The following GLRA3 variants were observed in gnomAD, a reference collection of about 807,000 sequenced individuals.
The protein encoded by GLRA3 is glycine receptor alpha 3.
Under a neutral mutation model 60.4 loss-of-function variants are expected in GLRA3, and 44 were observed. That is an observed-to-expected ratio of 0.73 (90% confidence interval 0.57 to 0.94). The LOEUF is 0.94. GLRA3 is among the 40% of genes least tolerant of loss of function. The pLI is 0.00. For synonymous variants in GLRA3, 223 were observed against 192.9 expected, an observed-to-expected ratio of 1.16 and a Z score of -1.29; for missense variants, 508 against 564.6, an observed-to-expected ratio of 0.90 and a Z score of 1.02.
Position 174,728,704 on chromosome 4 carries a change from A to G in GLRA3, c.268-6T>C, listed in dbSNP as rs1223614295. 6 of 1,478,900 alleles carry G rather than the reference A, an allele frequency of 4.1e-6. No individual in the cohort carries two copies. Among genetic ancestry groups the G allele is most frequent in the Non-Finnish European group, 3.7e-6 (4 of 1,086,878 alleles). 91.6% of individuals were successfully genotyped at this position (1,478,900 alleles called of 1,614,324 possible). On this transcript the variant is annotated splice_region_variant and splice_polypyrimidine_tract_variant and intron_variant, in intron 3 of 9. Transcript: ENST00000274093. ...AAGATATTCACTCTGTAATCCTATGATAAAATAATGAAAGAAAGAAAAAAA... is the reference window on the plus strand; with the variant it reads ...AAGATATTCACTCTGTAATCCTATGGTAAAATAATGAAAGAAAGAAAAAAA...
intron 5 of GLRA3, among the ~76,000 whole-genome samples, chr4:174,701,139 T>C (rs1735302490): frequency 6.6e-6 from 1 of 152,152 alleles, no homozygotes; most frequent in African/African-American, 2.4e-5. Flanking sequence ...AATGCCTGGC[T>C]TCAAAGCTTC....
chr4:174,714,928 G>A (rs1222696486), intron 5 of GLRA3, among the ~76,000 whole-genome samples: 1 of 152,138 alleles, frequency 6.6e-6, no homozygotes, highest in East Asian at 1.9e-4. Context: ...GAGAAAGTGT[G>A]AGACATTTTT....
rs1579374356 is a variant in GLRA3, at chr4:174,641,383, G to A, written c.*2403C>T. ...CAATGTAATTTTTCAGTTTTAAAAG[G>A]TCTATAAGAGTTCGAAGGAGGAGAC... is the stretch of plus-strand genomic sequence containing the variant. On this transcript the variant is annotated 3_prime_UTR_variant, in exon 10 of 10. Transcript: ENST00000274093. The A allele has an allele frequency of 1.3e-5, 2 of 151,996 alleles. No individual in the cohort carries two copies. The highest frequency in any genetic ancestry group is 2.1e-4 in the South Asian group (1 of 4,832). 9.4% of individuals were successfully genotyped at this position (151,996 alleles called of 1,614,324 possible). A position where few individuals can be genotyped will look rare whatever the true frequency, so the allele number is the denominator to read the frequency against.
chr4:174,649,100 A>G (rs1442353971), intron 9 of GLRA3, among the ~76,000 whole-genome samples: 1 of 152,206 alleles, frequency 6.6e-6, no homozygotes, highest in Non-Finnish European at 1.5e-5. Context: ...CTCGAAGGCC[A>G]GGATTTCCAT....
At chr4:174,675,038 T>C (rs1021838673) in intron 7 of GLRA3, among the ~76,000 whole-genome samples, 3 of 152,180 alleles carry the variant, frequency 2.0e-5, no homozygotes, top group African/African-American at 7.2e-5. Context: ...TAATTAATTA[T>C]GCCAAACCTC....
chr4:174,747,660 G>A (rs1406843989), intron 3 of GLRA3, among the ~76,000 whole-genome samples: 1 of 152,064 alleles, frequency 6.6e-6, no homozygotes, highest in Non-Finnish European at 1.5e-5. Context: ...CTGTGCCTTT[G>A]TGATTCATTA....
intron 1 of GLRA3, among the ~76,000 whole-genome samples, chr4:174,804,959 G>A (rs1034298772): frequency 6.6e-6 from 1 of 152,100 alleles, no homozygotes; most frequent in African/African-American, 2.4e-5. Flanking sequence ...TACTGTACAC[G>A]TAGCGACAAA....
At chr4:174,715,145 T>A (rs996636793) in intron 5 of GLRA3, among the ~76,000 whole-genome samples, 5 of 152,198 alleles carry the variant, frequency 3.3e-5, no homozygotes, top group Non-Finnish European at 7.3e-5. Context: ...AGAAAAAATA[T>A]ATATAGACAC....
At chr4:174,819,268 T>C (rs1740638719) in intron 1 of GLRA3, among the ~76,000 whole-genome samples, 1 of 152,202 alleles carries the variant, frequency 6.6e-6, no homozygotes, top group African/African-American at 2.4e-5. Flanking sequence ...CAGAGAAAAT[T>C]ATTATTTGAA....
rs187454944 is a variant in GLRA3 at position 174,746,898 on chromosome 4, G to A, written c.268-18200C>T. 5.9e-5 allele frequency among the ~76,000 whole-genome samples: 9 copies of A among 152,104 alleles called. No homozygotes were observed. In the East Asian group the frequency reaches 1.2e-3, roughly 20 times the overall value. ...GTCATTACTTTTAATGGTGAAAACC[G>A]CAATTATTTTTGCACCAACCTAATA... is the stretch of plus-strand genomic sequence containing the variant. On this transcript the variant is annotated intron_variant, in intron 3 of 9. Transcript: ENST00000274093.
At chr4:174,823,836 T>A (rs1740849075) in intron 1 of GLRA3, among the ~76,000 whole-genome samples, 1 of 152,096 alleles carries the variant, frequency 6.6e-6, no homozygotes, top group Non-Finnish European at 1.5e-5. Flanking sequence ...TATATGCTAT[T>A]AATAATAACT....
chr4:174,801,985 A>T (rs1739830960), intron 1 of GLRA3, among the ~76,000 whole-genome samples: 1 of 151,926 alleles, frequency 6.6e-6, no homozygotes, highest in African/African-American at 2.4e-5. Flanking sequence ...CCTAAAAGTA[A>T]TCCAAAGTAT....
chr4:174,700,351 C>T (rs4695952), intron 5 of GLRA3, among the ~76,000 whole-genome samples: 58,850 of 151,974 alleles, frequency 0.39, 12,073 homozygotes, highest in South Asian at 0.5. Context: ...GTCTCTGTGT[C>T]ATATTTCAGT....
intron 4 of GLRA3, among the ~76,000 whole-genome samples, chr4:174,727,599 T>A (rs545625067): frequency 6.6e-6 from 1 of 152,254 alleles, no homozygotes; most frequent in Non-Finnish European, 1.5e-5. Flanking sequence ...TTATGGAAAA[T>A]TTTTAAATAA....
At chr4:174,648,631 C>T (rs1000408135) in intron 9 of GLRA3, among the ~76,000 whole-genome samples, 9 of 152,120 alleles carry the variant, frequency 5.9e-5, no homozygotes, top group Non-Finnish European at 1.0e-4. Flanking sequence ...CCATATCCCC[C>T]AACCAAAACT....
chr4:174,648,076 C>G (rs1034595417), intron 9 of GLRA3, among the ~76,000 whole-genome samples: 57 of 152,114 alleles, frequency 3.7e-4, no homozygotes, highest in African/African-American at 1.3e-3. Context: ...AATGCTAACC[C>G]CCAATCTGCT....
intron 3 of GLRA3, among the ~76,000 whole-genome samples, chr4:174,730,545 A>C (rs1357559242): frequency 6.6e-6 from 1 of 152,192 alleles, no homozygotes; most frequent in African/African-American, 2.4e-5. Flanking sequence ...GCTGTTCACC[A>C]CACTTAGGCT....
chr4:174,659,119 C>T lies in GLRA3; in HGVS notation c.1006G>A (p.Ala336Thr). The T allele has an allele frequency of 6.2e-7, 1 of 1,612,154 alleles. No homozygotes were observed. The highest frequency in any genetic ancestry group is 8.5e-7 in the Non-Finnish European group (1 of 1,178,456). ...TGTTGTCTTGATACAAAATTTACAG[C>T]TGCATACTCCAGAAGTGCTGAAAAC... Reference protein sequence around the residue: ...FVFSALLEYAAVNFVSRQHKE... With the variant: ...FVFSALLEYATVNFVSRQHKE... The change falls in exon 8 of 10, where the codon GCT (alanine) becomes ACT (threonine). Residue 336 changes from alanine (A) to threonine (T), a missense_variant. Physicochemically the swap from Ala to Thr is moderately conservative, Grantham distance 58 (BLOSUM62 0). Around this residue, in one of 3 missense-constraint regions of GLRA3, gnomAD observed 176 missense variants for 197.9 expected, o/e 0.89. Transcript: ENST00000274093.
intron 1 of GLRA3, among the ~76,000 whole-genome samples, chr4:174,799,325 A>G (rs1244882531): frequency 6.6e-6 from 1 of 152,228 alleles, no homozygotes; most frequent in African/African-American, 2.4e-5. Flanking sequence ...TAAAGCAACT[A>G]GAAAAGGTTC....
Sources: gnomAD v4.1 joint callset for allele counts (sites outside exome capture counted in the v4.1 genomes callset) on GRCh38, gnomAD v4.1.1 for gene constraint, gnomAD v4.1.1 regional missense constraint, MANE v1.5 for transcripts, NCBI Gene and HGNC (gene_info 2026-07-23, HGNC 2026-07-21) for gene names.